CNOT2: variants seen among roughly 807,000 people sequenced by gnomAD.
The protein encoded by CNOT2 is CCR4-NOT transcription complex subunit 2.
Under a neutral mutation model 72.1 loss-of-function variants are expected in CNOT2, and 7 were observed. That is an observed-to-expected ratio of 0.10 (90% CI 0.06 to 0.18). CNOT2 has a LOEUF of 0.18. Ranked by LOEUF, CNOT2 falls within the 10% of genes least tolerant of loss-of-function variation. The pLI, the probability that CNOT2 is intolerant of heterozygous loss-of-function variation, is 1.00. For synonymous variants in CNOT2, 196 were observed against 225.6 expected, an observed-to-expected ratio of 0.87 and a Z score of 1.17; for missense variants, 345 against 660.3, an observed-to-expected ratio of 0.52 and a Z score of 5.23.
intron 2 of CNOT2, among the ~76,000 whole-genome samples, chr12:70,295,952 T>G (rs1431482475): frequency 6.6e-6 from 1 of 152,126 alleles, no homozygotes; most frequent in African/African-American, 2.4e-5. Flanking sequence ...TAGATCAGAG[T>G]CAAACTTGTG....
At chr12:70,331,346 CTT>C (rs1565820220) in intron 6 of CNOT2, 3 of 151,762 alleles carry the variant, frequency 2.0e-5, no homozygotes, top group African/African-American at 7.3e-5. Context: ...TTTTACTGCT[CTT>C]TTAAATTTTA....
At chr12:70,322,910 C>G (rs1187182131) in intron 4 of CNOT2, 4 of 151,678 alleles carry the variant, frequency 2.6e-5, no homozygotes, top group Non-Finnish European at 5.9e-5. Flanking sequence ...GGATTTCTTG[C>G]TCTTTTGAAC....
chr12:70,317,331 T>C (rs1877501781), intron 3 of CNOT2, among the ~76,000 whole-genome samples: 1 of 152,122 alleles, frequency 6.6e-6, no homozygotes, highest in Non-Finnish European at 1.5e-5. Flanking sequence ...GGTATACATG[T>C]GCCATAAACC....
intron 2 of CNOT2, among the ~76,000 whole-genome samples, chr12:70,309,155 G>A (rs1054225355): frequency 1.3e-5 from 2 of 152,026 alleles, no homozygotes; most frequent in African/African-American, 4.8e-5. Context: ...ATAGGCATGC[G>A]GGATCCTGGT....
intron 2 of CNOT2, among the ~76,000 whole-genome samples, chr12:70,298,702 G>A (rs1593161853): frequency 6.6e-6 from 1 of 152,038 alleles, no homozygotes; most frequent in South Asian, 2.1e-4. Flanking sequence ...GGCATTTTAA[G>A]TAGCCGTATC....
intron 2 of CNOT2, 52 bp from the exon 3 acceptor site, chr12:70,310,843 A>G: frequency 6.4e-7 from 1 of 1,551,968 alleles, no homozygotes. Context: ...GTAAGGTAAC[A>G]CTGAACATTT....
At chr12:70,270,525 TG>T (rs1405514393) in intron 1 of CNOT2, among the ~76,000 whole-genome samples, 1 of 152,142 alleles carries the variant, frequency 6.6e-6, no homozygotes, top group Non-Finnish European at 1.5e-5. Context: ...CTCCTGGAAA[TG>T]TAAGTCCTAA....
At chr12:70,297,819 C>T in intron 2 of CNOT2, 1 of 296,106 alleles carries the variant, frequency 3.4e-6, no homozygotes, top group Non-Finnish European at 6.7e-6. Context: ...CTCACTGCAA[C>T]CTCCGCCTCC....
chr12:70,260,853 A>ATTTT (rs55908570), intron 1 of CNOT2, among the ~76,000 whole-genome samples: 74 of 135,734 alleles, frequency 5.5e-4, no homozygotes, highest in African/African-American at 1.5e-3. Context: ...GATGCATTCT[A>ATTTT]TTTTTTTTTT....
intron 2 of CNOT2, among the ~76,000 whole-genome samples, chr12:70,310,110 G>A (rs1876198830): frequency 2.0e-5 from 3 of 152,054 alleles, no homozygotes; most frequent in African/African-American, 4.8e-5. Flanking sequence ...ATGAAAGGAT[G>A]TGTGTAGGTT....
intron 15 of CNOT2, among the ~76,000 whole-genome samples, chr12:70,348,867 A>G (rs951123052): frequency 6.6e-6 from 1 of 151,816 alleles, no homozygotes; most frequent in Non-Finnish European, 1.5e-5. Context: ...TATTATATAT[A>G]AAACATAATT....
At chr12:70,317,328 A>G (rs965004039) in intron 3 of CNOT2, among the ~76,000 whole-genome samples, 5 of 152,102 alleles carry the variant, frequency 3.3e-5, no homozygotes, top group Admixed American at 6.6e-5. Flanking sequence ...ATAGGTATAC[A>G]TGTGCCATAA....
At chr12:70,248,992 G>A (rs1367017850) in intron 1 of CNOT2, among the ~76,000 whole-genome samples, 2 of 152,076 alleles carry the variant, frequency 1.3e-5, no homozygotes, top group Non-Finnish European at 2.9e-5. Context: ...GTAACAGTGA[G>A]TAGACTTGCT....
At chr12:70,344,796 T>C (rs1479222788) in intron 14 of CNOT2, 1 of 152,230 alleles carries the variant, frequency 6.6e-6, no homozygotes, top group Non-Finnish European at 1.5e-5. Context: ...TTGGTGAATC[T>C]AATTTTTGTA....
chr12:70,320,968 A>C (rs1878202973), intron 4 of CNOT2, among the ~76,000 whole-genome samples: 1 of 151,880 alleles, frequency 6.6e-6, no homozygotes, highest in Non-Finnish European at 1.5e-5. Flanking sequence ...CATTGGTATG[A>C]CAGACATTTA....
intron 15 of CNOT2, among the ~76,000 whole-genome samples, chr12:70,348,440 A>G (rs1184653425): frequency 6.6e-6 from 1 of 152,214 alleles, no homozygotes; most frequent in East Asian, 1.9e-4. Context: ...TTGGTCCAGA[A>G]CTATATTTAA....
At chr12:70,330,057 A>G (rs570442391) in intron 5 of CNOT2, among the ~76,000 whole-genome samples, 67 of 152,162 alleles carry the variant, frequency 4.4e-4, no homozygotes, top group African/African-American at 1.5e-3. Flanking sequence ...TCACACCAGT[A>G]GTTCTCTCAT....
At chr12:70,320,347 T>C (rs2135988613) in intron 4 of CNOT2, among the ~76,000 whole-genome samples, 1 of 151,830 alleles carries the variant, frequency 6.6e-6, no homozygotes, top group Non-Finnish European at 1.5e-5. Flanking sequence ...ACCTTCCAAA[T>C]TGATTCGAAG....
At chr12:70,296,916 A>G (rs1264956934) in intron 2 of CNOT2, among the ~76,000 whole-genome samples, 1 of 152,202 alleles carries the variant, frequency 6.6e-6, no homozygotes, top group Non-Finnish European at 1.5e-5. Flanking sequence ...GTAACAATAT[A>G]ATATTTGATA....
Sources: gnomAD v4.1 joint callset for allele counts (sites outside exome capture counted in the v4.1 genomes callset) on GRCh38, gnomAD v4.1.1 for gene constraint, MANE v1.5 for transcripts, NCBI Gene and HGNC (gene_info 2026-07-23, HGNC 2026-07-21) for gene names.